Variants in GLI2 observed in about 807,000 individuals in gnomAD.
GLI2 encodes GLI family zinc finger 2.
In GLI2, 22 loss-of-function variants were observed where a neutral mutation model predicts 78.9. That is an observed-to-expected ratio of 0.28 (90% CI 0.20 to 0.40). The LOEUF (loss-of-function observed/expected upper bound fraction) is 0.40. GLI2 is among the 10% of genes least tolerant of loss of function. GLI2 has a pLI of 1.00. For missense variants in GLI2, 2,097 were observed against 2,213.2 expected, an observed-to-expected ratio of 0.95 and a Z score of 1.05; for synonymous variants, 974 against 963.7, an observed-to-expected ratio of 1.01 and a Z score of -0.20.
In GLI2 at chr2:120,989,906, C is replaced by T. The variant is rs777745873; in HGVS notation, c.3941C>T (p.Ser1314Phe). The T allele has an allele frequency of 1.9e-6, 3 of 1,612,952 alleles. No homozygotes were observed. In the South Asian group the frequency reaches 3.3e-5, roughly 18 times the overall value. The change falls in exon 14 of 14, where the codon TCC (serine) becomes TTC (phenylalanine). Residue 1314 changes from serine to phenylalanine, a missense_variant. By Grantham distance (155) the Ser-to-Phe change is radical (BLOSUM62 -2). Coordinates refer to ENST00000361492, the MANE Select transcript of GLI2 (RefSeq NM_001374353.1). ...CAGCAGAGCCATCACCTGGCAGCCT[C>T]CATGAGCCAGGAGGGCTACCACCAG... ...YPQQSHHLAA[S>F]MSQEGYHQVP...
chr2:120,798,497 C>T (rs1684522330), intron 2 of GLI2, among the ~76,000 whole-genome samples: 1 of 152,190 alleles, frequency 6.6e-6, no homozygotes, highest in South Asian at 2.1e-4. Context: ...ACCTGAGGGC[C>T]TGCGGGGGGT....
chr2:120,902,500 C>A (rs1678318049), intron 2 of GLI2, among the ~76,000 whole-genome samples: 1 of 152,130 alleles, frequency 6.6e-6, no homozygotes, highest in Admixed American at 6.5e-5. Flanking sequence ...GCCAGATTCC[C>A]CAGAGTGTGC....
rs772532094 is a variant in GLI2, at chr2:120,986,567, C to A, written c.2195C>A (p.Pro732Gln). Residue 732 changes from proline to glutamine, a missense_variant, in exon 13 of 14, where the codon CCG becomes CAG. Around this residue, in one of 5 missense-constraint regions of GLI2, gnomAD observed 1,290 missense variants for 1,261.7 expected, o/e 1.02. Coordinates refer to ENST00000361492, the MANE Select transcript of GLI2 (RefSeq NM_001374353.1). ...AAGGATTCCTGCTCATGGGCCGGGC[C>A]GACTCCACACACGCGGAACACCAAG... ...SLKDSCSWAG[P>Q]TPHTRNTKLP... 2.9e-5 allele frequency: 47 copies of A among 1,614,014 alleles called. No homozygotes were observed. In the African/African-American group the frequency reaches 5.6e-4, roughly 19 times the overall value.
Position 120,797,464 on chromosome 2 carries a change from A to G in GLI2, c.144A>G (p.Gln48=). 6.2e-7 allele frequency: 1 copy of G among 1,613,736 alleles called. No homozygotes were observed. Among genetic ancestry groups the G allele is most frequent in the South Asian group, 1.1e-5 (1 of 91,074 alleles). ...CGGCAGCAGCAGCGGTAGCTGCCCA[A>G]GGAGGTACTTTCTGTTTCGCACACT... ...AAAAAAAVAA[Q]GVPQHLLPPF... is the part of the protein sequence containing the mutation. The change falls in exon 2 of 14, where the codon CAA becomes CAG. Residue 48 remains glutamine (Q), a synonymous_variant. Coordinates refer to ENST00000361492, the MANE Select transcript of GLI2 (RefSeq NM_001374353.1).
intron 5 of GLI2, among the ~76,000 whole-genome samples, chr2:120,966,106 C>T (rs1681841861): frequency 6.7e-6 from 1 of 149,928 alleles, no homozygotes; most frequent in African/African-American, 2.5e-5. Context: ...TTTTTTTCAA[C>T]TGGGAGCTTT....
At chr2:120,917,294 A>G (rs764731473) in intron 2 of GLI2, among the ~76,000 whole-genome samples, 6 of 152,278 alleles carry the variant, frequency 3.9e-5, no homozygotes, top group Admixed American at 6.5e-5. Flanking sequence ...GAAAGTAGCA[A>G]TCACTCTCAC....
intron 2 of GLI2, among the ~76,000 whole-genome samples, chr2:120,833,766 C>G (rs1000575603): frequency 8.5e-5 from 13 of 152,178 alleles, no homozygotes; most frequent in African/African-American, 3.1e-4. Flanking sequence ...AACCTGCTAG[C>G]TGGCAGGAAA....
At chr2:120,811,780 T>C (rs961485272) in intron 2 of GLI2, among the ~76,000 whole-genome samples, 8 of 152,128 alleles carry the variant, frequency 5.3e-5, no homozygotes, top group Non-Finnish European at 1.2e-4. Flanking sequence ...AAGCATTCCA[T>C]ACCCACAAAT....
At chr2:120,872,874 C>A (rs1036330843) in intron 2 of GLI2, among the ~76,000 whole-genome samples, 10 of 152,188 alleles carry the variant, frequency 6.6e-5, no homozygotes, top group African/African-American at 2.2e-4. Context: ...CTTCTCTGAA[C>A]GTGACAGGCT....
chr2:120,930,891 G>A (rs559886812), intron 3 of GLI2, among the ~76,000 whole-genome samples: 4 of 152,328 alleles, frequency 2.6e-5, no homozygotes, highest in African/African-American at 9.6e-5. Context: ...TCTGGGTAGG[G>A]CCTGCTTCCT....
In GLI2 at chr2:120,780,563, C is replaced by G. The variant is rs535536373; in HGVS notation, c.-30-16728C>G. Among the ~76,000 whole-genome samples, 3 of 152,316 alleles carry G rather than the reference C, an allele frequency of 2.0e-5. No individual in the cohort carries two copies. The South Asian group carries it at 6.2e-4, about 32-fold the overall frequency. On this transcript the variant is annotated intron_variant, in intron 1 of 13. Transcript: ENST00000361492. Reference sequence around the variant, plus strand: ...GCAGGAGGAGGGAGTTTCCAGCAGGCAGAGTGGTGTGGGATGAGGGACATG... The same window carrying G: ...GCAGGAGGAGGGAGTTTCCAGCAGGGAGAGTGGTGTGGGATGAGGGACATG...
chr2:120,948,329 AC>A (rs1253612624), intron 3 of GLI2, among the ~76,000 whole-genome samples: 1 of 152,006 alleles, frequency 6.6e-6, no homozygotes, highest in Non-Finnish European at 1.5e-5. Context: ...CCCTGCAGAG[AC>A]CCCTGGATGT....
chr2:120,818,025 T>C (rs1685583109), intron 2 of GLI2, among the ~76,000 whole-genome samples: 1 of 152,192 alleles, frequency 6.6e-6, no homozygotes, highest in Non-Finnish European at 1.5e-5. Context: ...GGATCCTGTT[T>C]CTAAACCCCG....
chr2:120,887,865 T>C lies in GLI2; in HGVS notation c.149-39496T>C, dbSNP rs185805864. On this transcript the variant is annotated intron_variant, in intron 2 of 13. Coordinates refer to ENST00000361492, the MANE Select transcript of GLI2 (RefSeq NM_001374353.1). The stretch of plus-strand genomic sequence containing the variant: ...AGAGGGCCCGGGGATCCTAACGCAG[T>C]GCTAGATCAATATGACAGGCGCTAA... 2.6e-5 allele frequency among the ~76,000 whole-genome samples: 4 copies of C among 152,308 alleles called. No individual in the cohort carries two copies. The East Asian group carries it at 7.7e-4, about 29-fold the overall frequency.
chr2:120,817,881 T>C (rs1421337487), intron 2 of GLI2, among the ~76,000 whole-genome samples: 1 of 152,054 alleles, frequency 6.6e-6, no homozygotes, highest in African/African-American at 2.4e-5. Flanking sequence ...CTGAGAACCA[T>C]GTGGCAGGGC....
chr2:120,736,881 C>G (rs1165755119), intron 1 of GLI2, among the ~76,000 whole-genome samples: 1 of 150,282 alleles, frequency 6.7e-6, no homozygotes, highest in Non-Finnish European at 1.5e-5. Context: ...CTCGGCCCCC[C>G]CTCTTTGCCT....
chr2:120,881,497 G>A (rs1373119690), intron 2 of GLI2, among the ~76,000 whole-genome samples: 1 of 149,044 alleles, frequency 6.7e-6, no homozygotes, highest in Non-Finnish European at 1.5e-5. Flanking sequence ...GGAAGACAGT[G>A]GGGAGAGGGC....
At chr2:120,907,270 C>T (rs1315668323) in intron 2 of GLI2, among the ~76,000 whole-genome samples, 1 of 152,124 alleles carries the variant, frequency 6.6e-6, no homozygotes, top group Non-Finnish European at 1.5e-5. Context: ...GACGGGTGCC[C>T]TGGGTGGTCC....
At chr2:120,750,206 T>C (rs1682822139) in intron 1 of GLI2, among the ~76,000 whole-genome samples, 1 of 152,176 alleles carries the variant, frequency 6.6e-6, no homozygotes, top group Non-Finnish European at 1.5e-5. Context: ...TCCTTCTGAG[T>C]CCCCAGCTCT....
Sources: gnomAD v4.1 joint callset for allele counts (sites outside exome capture counted in the v4.1 genomes callset) on GRCh38, gnomAD v4.1.1 for gene constraint, gnomAD v4.1.1 regional missense constraint, MANE v1.5 for transcripts, NCBI Gene and HGNC (gene_info 2026-07-23, HGNC 2026-07-21) for gene names.